NPAS3: variants seen among roughly 807,000 people sequenced by gnomAD.
NPAS3 encodes the protein neuronal PAS domain-containing protein 3.
NPAS3 carries 14 observed loss-of-function variants against 73.1 expected under a neutral mutation model. That is an observed-to-expected ratio of 0.19 (90% CI 0.13 to 0.30). NPAS3 has a LOEUF of 0.30. Ranked by LOEUF, NPAS3 falls within the 10% of genes least tolerant of loss-of-function variation. NPAS3 has a pLI of 1.00. For synonymous variants in NPAS3, 620 were observed against 541.5 expected, an observed-to-expected ratio of 1.14 and a Z score of -2.01; for missense variants, 1,096 against 1,250.0, an observed-to-expected ratio of 0.88 and a Z score of 1.86.
At chr14:33,156,056 G>C (rs755035971) in intron 2 of NPAS3, among the ~76,000 whole-genome samples, 1 of 152,168 alleles carries the variant, frequency 6.6e-6, no homozygotes, top group Non-Finnish European at 1.5e-5. Context: ...AGGCCTAGGT[G>C]ATGAAGTCTA....
At chr14:33,753,732 A>G (rs2140780251) in intron 7 of NPAS3, among the ~76,000 whole-genome samples, 1 of 152,310 alleles carries the variant, frequency 6.6e-6, no homozygotes, top group Non-Finnish European at 1.5e-5. Context: ...CTATGAGAAC[A>G]CTTCTTGGGG....
intron 3 of NPAS3, among the ~76,000 whole-genome samples, chr14:33,318,566 G>A (rs950933543): frequency 3.3e-5 from 5 of 152,014 alleles, no homozygotes; most frequent in Non-Finnish European, 5.9e-5. Flanking sequence ...CCAAAAATGT[G>A]TGTATGTGTT....
chr14:33,654,681 G>C (rs548229389), intron 5 of NPAS3, among the ~76,000 whole-genome samples: 1 of 152,168 alleles, frequency 6.6e-6, no homozygotes, highest in African/African-American at 2.4e-5. Flanking sequence ...ACACCATGCT[G>C]CTGACTAGCC....
intron 4 of NPAS3, among the ~76,000 whole-genome samples, chr14:33,386,159 T>A (rs1866684): frequency 0.14 from 21,346 of 152,034 alleles, 1,747 homozygotes; most frequent in Admixed American, 0.25. Flanking sequence ...TGCAGTATAC[T>A]CTTGATATAT....
intron 4 of NPAS3, among the ~76,000 whole-genome samples, chr14:33,558,318 T>G (rs1487431285): frequency 6.6e-6 from 1 of 152,064 alleles, no homozygotes; most frequent in Non-Finnish European, 1.5e-5. Context: ...TGGAGTACAG[T>G]GGCGTGATCT....
intron 6 of NPAS3, among the ~76,000 whole-genome samples, chr14:33,684,624 C>T (rs1042516921): frequency 1.4e-4 from 22 of 152,220 alleles, no homozygotes; most frequent in African/African-American, 5.1e-4. Context: ...TGCATTTAAA[C>T]TCATACCACA....
At position 33,560,374 on chromosome 14, in the gene NPAS3, A is replaced by G. The variant is rs2055582066; in HGVS notation, c.558+164A>G. On this transcript the variant is annotated intron_variant, in intron 5 of 11. Coordinates refer to ENST00000356141, the Ensembl canonical transcript of NPAS3. ...AAAGTCAGTGAGAAACCTGTGTGTC[A>G]GTGTTGAACATTCAGAATAAACTTG... The G allele has an allele frequency of 8.3e-6, 4 of 480,038 alleles. No homozygotes were observed. The East Asian group carries it at 9.5e-5, about 11-fold the overall frequency. The allele number at this position is 480,038 out of a possible 1,614,324, so 29.7% of individuals were successfully genotyped here.
At chr14:33,188,690 CAGG>C (rs2046066611) in intron 2 of NPAS3, among the ~76,000 whole-genome samples, 1 of 152,156 alleles carries the variant, frequency 6.6e-6, no homozygotes, top group Non-Finnish European at 1.5e-5. Context: ...AGTATTGTTA[CAGG>C]AGAAGATTAT....
chr14:33,672,828 C>T (rs1451605469), intron 5 of NPAS3, among the ~76,000 whole-genome samples: 1 of 152,168 alleles, frequency 6.6e-6, no homozygotes, highest in African/African-American at 2.4e-5. Context: ...ATTTTAACTT[C>T]TCGGGACTGT....
At chr14:33,458,671 T>G (rs2050124679) in intron 4 of NPAS3, among the ~76,000 whole-genome samples, 1 of 152,226 alleles carries the variant, frequency 6.6e-6, no homozygotes, top group African/African-American at 2.4e-5. Flanking sequence ...CTATCGTTCT[T>G]CAGTGCAAAA....
chr14:33,643,398 A>AC (rs59388150), intron 5 of NPAS3, among the ~76,000 whole-genome samples: 2 of 143,376 alleles, frequency 1.4e-5, no homozygotes, highest in Non-Finnish European at 3.1e-5. Flanking sequence ...AAAAAAAAAA[A>AC]CGAGAGAGAT....
chr14:33,643,782 A>T (rs900300995), intron 5 of NPAS3, among the ~76,000 whole-genome samples: 1 of 152,160 alleles, frequency 6.6e-6, no homozygotes, highest in African/African-American at 2.4e-5. Context: ...TTCCAAGTTA[A>T]TTGTTAAAGT....
intron 2 of NPAS3, among the ~76,000 whole-genome samples, chr14:33,130,833 T>C: frequency 6.6e-6 from 1 of 152,186 alleles, no homozygotes; most frequent in East Asian, 1.9e-4. Flanking sequence ...ACATCCACTC[T>C]TGACACAGCA....
At chr14:33,019,642 C>A (rs1334819748) in intron 1 of NPAS3, among the ~76,000 whole-genome samples, 1 of 152,192 alleles carries the variant, frequency 6.6e-6, no homozygotes, top group African/African-American at 2.4e-5. Flanking sequence ...AACTAGGTAA[C>A]TTGCATTATG....
intron 6 of NPAS3, among the ~76,000 whole-genome samples, chr14:33,696,000 T>G (rs2060367263): frequency 6.6e-6 from 1 of 152,176 alleles, no homozygotes; most frequent in South Asian, 2.1e-4. Flanking sequence ...AGAAGAAATA[T>G]TACTTTCTTT....
rs1411487568 is a variant in NPAS3 at position 33,523,429 on chromosome 14, G to A, written c.469-36692G>A. Among the ~76,000 whole-genome samples the A allele has an allele frequency of 2.1e-5, 3 of 143,990 alleles. No homozygotes were observed. The Admixed American group carries it at 2.2e-4, about 10-fold the overall frequency. 94.5% of individuals were successfully genotyped at this position (143,990 alleles called of 152,430 possible). A position where few individuals can be genotyped will look rare whatever the true frequency, so the allele number is the denominator to read the frequency against. ...ATCATGCCACTGCGCTCCAGCCTGG[G>A]CAACAGAGCGAGACTCTGTCTCAAA... On this transcript the variant is annotated intron_variant, in intron 4 of 11. Transcript: ENST00000356141.
chr14:33,432,911 T>G (rs1173570268), intron 4 of NPAS3, among the ~76,000 whole-genome samples: 1 of 152,246 alleles, frequency 6.6e-6, no homozygotes, highest in Admixed American at 6.5e-5. Flanking sequence ...TCAGCTGATA[T>G]GCAATTATCA....
intron 5 of NPAS3, among the ~76,000 whole-genome samples, chr14:33,583,572 G>A (rs1295063170): frequency 6.6e-6 from 1 of 152,164 alleles, no homozygotes; most frequent in Admixed American, 6.5e-5. Context: ...TGATCTAGTA[G>A]ATGTTTAGGT....
chr14:33,651,097 C>T lies in NPAS3; in HGVS notation c.559-25114C>T, dbSNP rs544322463. Among the ~76,000 whole-genome samples the T allele has an allele frequency of 9.2e-5, 14 of 152,366 alleles. No individual in the cohort carries two copies. The South Asian group carries it at 2.3e-3, about 25-fold the overall frequency. On this transcript the variant is annotated intron_variant, in intron 5 of 11. Transcript: ENST00000356141. ...CTAAGAAAGACAGGTCAACAACCAT[C>T]TCTCTGCCTCTTTGAGACTTTGTTC...
Sources: allele counts gnomAD v4.1 joint callset (sites outside exome capture counted in the v4.1 genomes callset), GRCh38; gene constraint gnomAD v4.1.1; transcripts MANE v1.5; gene names NCBI Gene and HGNC (gene_info 2026-07-23, HGNC 2026-07-21).